The following ARL6IP6 variants were observed in gnomAD, a reference collection of about 807,000 sequenced individuals.
ARL6IP6 encodes ARF like GTPase 6 interacting protein 6, also known as ADP-ribosylation factor-like protein 6-interacting protein 6.
In ARL6IP6, 22 loss-of-function variants were observed where a neutral mutation model predicts 21.5. The observed-to-expected ratio is 1.02, with a 90% CI of 0.73 to 1.46. The LOEUF (loss-of-function observed/expected upper bound fraction) is 1.46. ARL6IP6 is among the 40% of genes most tolerant of loss of function. The pLI is 0.00. For missense variants in ARL6IP6, 388 were observed against 299.8 expected (o/e 1.29, Z -2.17); for synonymous variants, 164 against 125.3 (o/e 1.31, Z -2.06).
chr2:152,761,228 C>G lies in ARL6IP6; in HGVS notation c.*1388C>G, dbSNP rs1196159892. On this transcript the variant is annotated 3_prime_UTR_variant, in exon 4 of 4. Coordinates refer to ENST00000326446, the MANE Select transcript of ARL6IP6 (RefSeq NM_152522.7). ...CTTTGGTTGGAAATGACTAATACTG[C>G]TCCAATTTAAATTATCTGAAATGTG... is the stretch of plus-strand genomic sequence containing the variant. 1 of 151,904 alleles carries G rather than the reference C, an allele frequency of 6.6e-6. No individual in the cohort carries two copies. Among genetic ancestry groups the G allele is most frequent in the Non-Finnish European group, 1.5e-5 (1 of 67,970 alleles). 9.4% of individuals were successfully genotyped at this position (151,904 alleles called of 1,614,324 possible). A position where few individuals can be genotyped will look rare whatever the true frequency, so the allele number is the denominator to read the frequency against.
intron 3 of ARL6IP6, among the ~76,000 whole-genome samples, chr2:152,738,517 A>C (rs755760690): frequency 6.6e-6 from 1 of 152,186 alleles, no homozygotes; most frequent in Non-Finnish European, 1.5e-5. Context: ...TCTGAAATCT[A>C]GGTGGAAGTT....
Position 152,761,995 on chromosome 2 carries a change from T to C in ARL6IP6, c.*2155T>C, listed in dbSNP as rs1701866048. On this transcript the variant is annotated 3_prime_UTR_variant, in exon 4 of 4. Transcript: ENST00000326446. ...AATCCTAATTCTTCTGGACTGTTAC[T>C]CCCCTTTTTTGGGAAATGACCCTCC... 6.6e-6 allele frequency among the ~76,000 whole-genome samples: 1 copy of C among 152,132 alleles called. No individual in the cohort carries two copies. Among genetic ancestry groups the C allele is most frequent in the Non-Finnish European group, 1.5e-5 (1 of 68,030 alleles).
chr2:152,761,324 AGTCT>A lies in ARL6IP6; in HGVS notation c.*1485_*1488del, dbSNP rs1317084655. On this transcript the variant is annotated 3_prime_UTR_variant, in exon 4 of 4. Transcript: ENST00000326446. ...TCCTACCAGAGTGGTGGTTGCCATC[AGTCT>A]ATTTTCACTCCCTGCCTTCCTTCCT... The A allele has an allele frequency of 1.3e-5, 2 of 152,064 alleles. No homozygotes were observed. Among genetic ancestry groups the A allele is most frequent in the Admixed American group, 6.6e-5 (1 of 15,236 alleles). 9.4% of individuals were successfully genotyped at this position (152,064 alleles called of 1,614,324 possible).
rs1262676363 is a variant in ARL6IP6, at chr2:152,730,588, A to G, written c.455-4406A>G. On this transcript the variant is annotated intron_variant, in intron 2 of 3. Transcript: ENST00000326446. ...ATAGATTGGTAGGAAGGTTATTCTA[A>G]GGTTCTGTTCACCCAATTCCAGGTT... Among the ~76,000 whole-genome samples, 3 of 152,164 alleles carry G rather than the reference A, an allele frequency of 2.0e-5. No individual in the cohort carries two copies. In the East Asian group the frequency reaches 5.8e-4, roughly 29 times the overall value.
At chr2:152,729,671 G>C (rs1379691396) in intron 2 of ARL6IP6, among the ~76,000 whole-genome samples, 1 of 152,110 alleles carries the variant, frequency 6.6e-6, no homozygotes, top group African/African-American at 2.4e-5. Flanking sequence ...TTTTTCTGGT[G>C]AGAATCTCAC....
rs950121667 is a variant in ARL6IP6 at position 152,720,393 on chromosome 2, G to C, written c.401-140G>C. On this transcript the variant is annotated intron_variant, in intron 1 of 3. Transcript: ENST00000326446. ...TTGCTTGCTGAAGGTCACATAGCTG[G>C]TAAATTGAATCAGAATTTGAACCCA... 1.0e-5 allele frequency: 8 copies of C among 772,458 alleles called. No homozygotes were observed. In the Admixed American group the frequency reaches 1.8e-4, roughly 17 times the overall value. The allele number at this position is 772,458 out of a possible 1,614,324, so 47.9% of individuals were successfully genotyped here.
In ARL6IP6 at chr2:152,759,956, C is replaced by T; in HGVS notation, c.*116C>T. 1 of 800,474 alleles carries T rather than the reference C, an allele frequency of 1.2e-6. No homozygotes were observed. Among genetic ancestry groups the T allele is most frequent in the Non-Finnish European group, 2.1e-6 (1 of 481,370 alleles). The allele number at this position is 800,474 out of a possible 1,614,324, so 49.6% of individuals were successfully genotyped here. On this transcript the variant is annotated 3_prime_UTR_variant, in exon 4 of 4. Transcript: ENST00000326446. Reference sequence around the variant, plus strand: ...GAAACCTGCTGTTCATTATGTAGTTCAGATATTTATCACAATCATCCTCAT... The same window carrying T: ...GAAACCTGCTGTTCATTATGTAGTTTAGATATTTATCACAATCATCCTCAT...
chr2:152,720,601 G>C lies in ARL6IP6; in HGVS notation c.454+15G>C, dbSNP rs755701260. On this transcript the variant is annotated intron_variant, in intron 2 of 3. Coordinates refer to ENST00000326446, the MANE Select transcript of ARL6IP6 (RefSeq NM_152522.7). ...TGGACTATTAGGTATGGACTTAATTGCCGCTTGCTTTGGTTTTGAGCTCAC... is the reference window on the plus strand; with the variant it reads ...TGGACTATTAGGTATGGACTTAATTCCCGCTTGCTTTGGTTTTGAGCTCAC... 5.0e-6 allele frequency: 8 copies of C among 1,609,758 alleles called. No homozygotes were observed. The highest frequency in any genetic ancestry group is 6.8e-6 in the Non-Finnish European group (8 of 1,177,212).
chr2:152,720,602 C>T lies in ARL6IP6; in HGVS notation c.454+16C>T, dbSNP rs777272161. On this transcript the variant is annotated intron_variant, in intron 2 of 3. Transcript: ENST00000326446. The stretch of plus-strand genomic sequence containing the variant: ...GGACTATTAGGTATGGACTTAATTG[C>T]CGCTTGCTTTGGTTTTGAGCTCACG... 27 of 1,608,684 alleles carry T rather than the reference C, an allele frequency of 1.7e-5. No individual in the cohort carries two copies. The highest frequency in any genetic ancestry group is 2.1e-5 in the Non-Finnish European group (25 of 1,176,598).
chr2:152,718,690 T>C lies in ARL6IP6; in HGVS notation c.66T>C (p.Pro22=). The C allele has an allele frequency of 1.3e-6, 2 of 1,593,446 alleles. No individual in the cohort carries two copies. The highest frequency in any genetic ancestry group is 2.3e-5 in the South Asian group (2 of 88,598). The part of the protein sequence containing the change: ...LRRRGPGTPG[P]VARPSYSSFT... ...GCCGCGGTCCCGGCACCCCGGGCCC[T>C]GTGGCTCGGCCATCGTATTCCTCCT... Residue 22 remains proline, a synonymous_variant, in exon 1 of 4, where the codon CCT becomes CCC. Coordinates refer to ENST00000326446, the MANE Select transcript of ARL6IP6 (RefSeq NM_152522.7).
chr2:152,733,016 A>C (rs1033044034), intron 2 of ARL6IP6, among the ~76,000 whole-genome samples: 1 of 151,950 alleles, frequency 6.6e-6, no homozygotes, highest in Non-Finnish European at 1.5e-5. Flanking sequence ...GAATTTTTGT[A>C]TCATGGTTAG....
upstream of ARL6IP6, chr2:152,718,445 G>A (rs1012484928): frequency 1.4e-5 from 11 of 809,474 alleles, no homozygotes; most frequent in African/African-American, 1.3e-4. Flanking sequence ...AGCGCATTCC[G>A]CCTCTCCTTT....
chr2:152,744,999 TA>T (rs1700980251), intron 3 of ARL6IP6, among the ~76,000 whole-genome samples: 1 of 152,178 alleles, frequency 6.6e-6, no homozygotes, highest in Admixed American at 6.5e-5. Flanking sequence ...TGTTACTTCC[TA>T]TGTAAAGCGT....
In ARL6IP6 at chr2:152,760,010, A is replaced by G. The variant is rs983327166; in HGVS notation, c.*170A>G. On this transcript the variant is annotated 3_prime_UTR_variant, in exon 4 of 4. Transcript: ENST00000326446. ...GGAAGACCTTTTAAAGCATTGTTTT[A>G]GAATGTCTGAGTATTAAGATACAGA... is the stretch of plus-strand genomic sequence containing the variant. 1.4e-5 allele frequency: 8 copies of G among 558,148 alleles called. No homozygotes were observed. Among genetic ancestry groups the G allele is most frequent in the Non-Finnish European group, 6.4e-6 (2 of 314,374 alleles). 34.6% of individuals were successfully genotyped at this position (558,148 alleles called of 1,614,324 possible). A position where few individuals can be genotyped will look rare whatever the true frequency, so the allele number is the denominator to read the frequency against.
intron 3 of ARL6IP6, among the ~76,000 whole-genome samples, chr2:152,750,292 G>A (rs190257555): frequency 2.6e-5 from 4 of 152,126 alleles, no homozygotes; most frequent in Non-Finnish European, 5.9e-5. Flanking sequence ...TGGCCAACAT[G>A]GTGAAACCCC....
At chr2:152,717,650 G>C (rs1430856451), upstream of ARL6IP6, 4 of 1,426,888 alleles carry the variant, frequency 2.8e-6, no homozygotes, top group African/African-American at 4.4e-5. Context: ...GGGAGGAGGA[G>C]GACGGAGGAA....
chr2:152,735,012 T>C lies in ARL6IP6; in HGVS notation c.473T>C (p.Ile158Thr), dbSNP rs768975983. 17 of 1,613,150 alleles carry C rather than the reference T, an allele frequency of 1.1e-5. No homozygotes were observed. Among genetic ancestry groups the C allele is most frequent in the Middle Eastern group, 1.7e-4 (1 of 6,054 alleles). The change falls in exon 3 of 4, where the codon ATA (isoleucine) becomes ACA (threonine). Residue 158 changes from isoleucine to threonine, a missense_variant. Transcript: ENST00000326446. The stretch of plus-strand genomic sequence containing the variant: ...TGTTAAGGATTCTGGACTCTACTTA[T>C]AATATCCCTAACTGCTGGATTCTCC... The part of the protein sequence containing the change: ...TGLLGFWTLL[I>T]ISLTAGFSCC...
At chr2:152,753,339 T>C (rs1350333105) in intron 3 of ARL6IP6, among the ~76,000 whole-genome samples, 2 of 152,196 alleles carry the variant, frequency 1.3e-5, no homozygotes, top group Non-Finnish European at 2.9e-5. Context: ...AAATGCCTTA[T>C]TGGTAAAACA....
At chr2:152,754,413 T>C (rs1701482786) in intron 3 of ARL6IP6, among the ~76,000 whole-genome samples, 1 of 152,232 alleles carries the variant, frequency 6.6e-6, no homozygotes, top group Admixed American at 6.5e-5. Flanking sequence ...TTCATTCCTT[T>C]TTAAGGCTGC....
Sources: allele counts gnomAD v4.1 joint callset (sites outside exome capture counted in the v4.1 genomes callset), GRCh38; gene constraint gnomAD v4.1.1; transcripts MANE v1.5; gene names NCBI Gene and HGNC (gene_info 2026-07-23, HGNC 2026-07-21).